Variants in SORCS1 observed in about 807,000 individuals in gnomAD.
SORCS1 encodes sortilin related VPS10 domain containing receptor 1.
A neutral mutation model predicts 146.1 loss-of-function variants in SORCS1; 60 were observed. The observed-to-expected ratio is 0.41, with a 90% confidence interval of 0.33 to 0.51. The LOEUF (loss-of-function observed/expected upper bound fraction) is 0.51. Ranked by LOEUF, SORCS1 falls within the 20% of genes least tolerant of loss-of-function variation. The pLI is 0.21. For synonymous variants in SORCS1, 637 were observed against 584.0 expected, an observed-to-expected ratio of 1.09 and a Z score of -1.31; for missense variants, 1,352 against 1,487.6, an observed-to-expected ratio of 0.91 and a Z score of 1.50.
intron 6 of SORCS1, among the ~76,000 whole-genome samples, chr10:106,722,660 C>T (rs183940628): frequency 8.5e-5 from 13 of 152,188 alleles, no homozygotes; most frequent in African/African-American, 3.1e-4. Context: ...GTAATTGTCC[C>T]CTGTCCCCTG....
intron 2 of SORCS1, among the ~76,000 whole-genome samples, chr10:106,895,280 G>C (rs1951422147): frequency 6.6e-6 from 1 of 152,160 alleles, no homozygotes; most frequent in Admixed American, 6.5e-5. Flanking sequence ...TTCTATGCAT[G>C]ACCTGTGATT....
At chr10:106,950,158 G>T (rs1954598295) in intron 2 of SORCS1, among the ~76,000 whole-genome samples, 1 of 152,110 alleles carries the variant, frequency 6.6e-6, no homozygotes, top group South Asian at 2.1e-4. Flanking sequence ...CTCTCATTTT[G>T]ACTCCCTGAG....
chr10:106,819,679 C>CA (rs1184117182), intron 3 of SORCS1, among the ~76,000 whole-genome samples: 1 of 152,150 alleles, frequency 6.6e-6, no homozygotes, highest in Non-Finnish European at 1.5e-5. Flanking sequence ...CACACCCCCA[C>CA]ACTTGAGTCA....
Position 106,899,835 on chromosome 10 carries a change from G to T in SORCS1, c.626+56678C>A, listed in dbSNP as rs564343855. Among the ~76,000 whole-genome samples, 21 of 152,058 alleles carry T rather than the reference G, an allele frequency of 1.4e-4. No individual in the cohort carries two copies. In the South Asian group the frequency reaches 3.9e-3, roughly 29 times the overall value. On this transcript the variant is annotated intron_variant, in intron 2 of 25. Transcript: ENST00000263054. ...ACAATTACCACTTGCCCAAATGAAT[G>T]CTTCCTTCCAAGTATACAGGGTTAC...
intron 23 of SORCS1, among the ~76,000 whole-genome samples, chr10:106,605,689 T>G (rs967592354): frequency 6.6e-6 from 1 of 152,160 alleles, no homozygotes; most frequent in Non-Finnish European, 1.5e-5. Context: ...TGAGGTTAGA[T>G]GCAAATCTGA....
intron 1 of SORCS1, among the ~76,000 whole-genome samples, chr10:107,064,941 T>C (rs1961592278): frequency 6.6e-6 from 1 of 152,120 alleles, no homozygotes; most frequent in Non-Finnish European, 1.5e-5. Context: ...ATCTAAATAG[T>C]GGCAAAGCAG....
At chr10:107,108,510 A>G (rs181920092) in intron 1 of SORCS1, among the ~76,000 whole-genome samples, 5 of 152,296 alleles carry the variant, frequency 3.3e-5, no homozygotes, top group Admixed American at 3.3e-4. Flanking sequence ...ACCCACTACC[A>G]TGAAGACAGC....
rs540464521 is a variant in SORCS1 at position 107,027,179 on chromosome 10, G to A, written c.559-70599C>T. On this transcript the variant is annotated intron_variant, in intron 1 of 25. Transcript: ENST00000263054. Reference sequence around the variant, plus strand: ...AAGAGAAAGCCTGGTTATGTGATTCGTAAAATATTCACTGTTTAAAATAGA... The same window carrying A: ...AAGAGAAAGCCTGGTTATGTGATTCATAAAATATTCACTGTTTAAAATAGA... Among the ~76,000 whole-genome samples the A allele has an allele frequency of 5.7e-4, 86 of 151,706 alleles. No individual in the cohort carries two copies. In the South Asian group the frequency reaches 6.7e-3, roughly 12 times the overall value.
intron 25 of SORCS1, 193 bp from the exon 26 acceptor site, chr10:106,577,748 A>G: frequency 8.7e-7 from 1 of 1,154,588 alleles, no homozygotes; most frequent in South Asian, 1.8e-5. Context: ...TGCACTTAGA[A>G]GCTTTAGGAA....
the SORCS1 span, among the ~76,000 whole-genome samples, chr10:107,179,836 A>G: frequency 6.7e-6 from 1 of 150,284 alleles, no homozygotes; most frequent in Non-Finnish European, 1.5e-5. Flanking sequence ...ATATACGGTT[A>G]GCAAATATGT....
At chr10:106,928,452 C>A (rs778471812) in intron 2 of SORCS1, among the ~76,000 whole-genome samples, 6 of 152,226 alleles carry the variant, frequency 3.9e-5, no homozygotes, top group Non-Finnish European at 8.8e-5. Context: ...CCGAGCACAG[C>A]CCCGGTTTCC....
chr10:106,893,473 C>A (rs55885882), intron 2 of SORCS1, among the ~76,000 whole-genome samples: 3,751 of 152,162 alleles, frequency 0.025, 137 homozygotes, highest in African/African-American at 0.084. Context: ...GTATTATCTG[C>A]ACCTAGCACA....
At chr10:107,056,996 A>T (rs1254039418) in intron 1 of SORCS1, among the ~76,000 whole-genome samples, 1 of 152,156 alleles carries the variant, frequency 6.6e-6, no homozygotes, top group Non-Finnish European at 1.5e-5. Context: ...GACTTTCCTG[A>T]TTGGCTTTAA....
At chr10:107,003,290 C>T (rs1181017855) in intron 1 of SORCS1, among the ~76,000 whole-genome samples, 1 of 152,088 alleles carries the variant, frequency 6.6e-6, no homozygotes, top group African/African-American at 2.4e-5. Flanking sequence ...ACAATAGGTA[C>T]TTAGCAGCAT....
chr10:107,115,584 T>C (rs974342284), intron 1 of SORCS1, among the ~76,000 whole-genome samples: 25 of 151,996 alleles, frequency 1.6e-4, no homozygotes, highest in African/African-American at 6.0e-4. Flanking sequence ...TTAAACCATA[T>C]ATAAAAATTA....
At chr10:107,066,434 A>T (rs986797713) in intron 1 of SORCS1, among the ~76,000 whole-genome samples, 2 of 152,188 alleles carry the variant, frequency 1.3e-5, no homozygotes, top group African/African-American at 4.8e-5. Flanking sequence ...GCCGAAAGGA[A>T]ATCTAGAAAT....
intron 1 of SORCS1, among the ~76,000 whole-genome samples, chr10:106,959,424 G>C (rs1259355916): frequency 6.6e-6 from 1 of 152,082 alleles, no homozygotes; most frequent in East Asian, 1.9e-4. Context: ...CACTGCCTCT[G>C]TGCATTATTT....
intron 18 of SORCS1, among the ~76,000 whole-genome samples, chr10:106,640,953 T>C (rs142713433): frequency 4.4e-4 from 67 of 152,336 alleles, no homozygotes; most frequent in Non-Finnish European, 8.8e-4. Flanking sequence ...TTTAAGGCCA[T>C]AATGATGCAT....
At chr10:107,038,832 CA>C (rs1228740600) in intron 1 of SORCS1, among the ~76,000 whole-genome samples, 1 of 151,982 alleles carries the variant, frequency 6.6e-6, no homozygotes, top group Non-Finnish European at 1.5e-5. Context: ...GAAAAGTTAC[CA>C]AAACCGAACT....
Sources: gnomAD v4.1 joint callset for allele counts (sites outside exome capture counted in the v4.1 genomes callset) on GRCh38, gnomAD v4.1.1 for gene constraint, MANE v1.5 for transcripts, NCBI Gene and HGNC (gene_info 2026-07-23, HGNC 2026-07-21) for gene names.